The following SLC25A48 variants were observed in gnomAD, a reference collection of about 807,000 sequenced individuals.
The protein encoded by SLC25A48 is solute carrier family 25 member 48, also known as CTC-321K16.1.
In SLC25A48, 29 loss-of-function variants were observed where a neutral mutation model predicts 32.2. The observed-to-expected ratio is 0.90, with a 90% CI of 0.67 to 1.23. SLC25A48 has a LOEUF of 1.23. SLC25A48 is among the 50% of genes most tolerant of loss of function. The pLI is 0.00. For synonymous variants in SLC25A48, 164 were observed against 172.3 expected (o/e 0.95, Z 0.38); for missense variants, 399 against 422.7 (o/e 0.94, Z 0.49).
chr5:135,813,486 A>G (rs902382046), intron 4 of SLC25A48, among the ~76,000 whole-genome samples: 1 of 152,048 alleles, frequency 6.6e-6, no homozygotes, highest in Non-Finnish European at 1.5e-5. Context: ...TAGGTGAGAG[A>G]TGTCAGGGCC....
At chr5:135,812,625 C>T (rs1757616523) in exon 4 of SLC25A48, 1 of 152,328 alleles carries the variant, frequency 6.6e-6, no homozygotes, top group African/African-American at 2.4e-5. Context: ...GCTTTTTGCC[C>T]TAAGTGTGGC....
intron 3 of SLC25A48, among the ~76,000 whole-genome samples, chr5:135,747,216 A>G (rs1222335203): frequency 2.6e-5 from 4 of 151,876 alleles, no homozygotes; most frequent in Non-Finnish European, 5.9e-5. Context: ...TGATTTTAGC[A>G]GCATTGATGT....
chr5:135,776,384 G>A (rs1056853384), intron 3 of SLC25A48, among the ~76,000 whole-genome samples: 3 of 151,514 alleles, frequency 2.0e-5, no homozygotes, highest in Non-Finnish European at 4.4e-5. Flanking sequence ...TCCCAATATC[G>A]TGGGGAATGT....
chr5:135,840,545 C>T (rs1040079948), intron 1 of SLC25A48, among the ~76,000 whole-genome samples: 6 of 152,212 alleles, frequency 3.9e-5, no homozygotes, highest in Admixed American at 3.9e-4. Context: ...AAAGAAGATG[C>T]TGTACGCTTC....
At chr5:135,744,441 C>A (rs1457242449) in intron 3 of SLC25A48, among the ~76,000 whole-genome samples, 2 of 152,012 alleles carry the variant, frequency 1.3e-5, no homozygotes, top group Non-Finnish European at 2.9e-5. Flanking sequence ...ACCTCCACCT[C>A]CCCAGTTCAA....
intron 3 of SLC25A48, among the ~76,000 whole-genome samples, chr5:135,775,123 G>C (rs11959707): frequency 0.76 from 115,064 of 151,602 alleles, 44,253 homozygotes; most frequent in Middle Eastern, 0.87. Context: ...GGGTGTACAC[G>C]CCATTTGTGA....
intron 3 of SLC25A48, among the ~76,000 whole-genome samples, chr5:135,796,826 G>T (rs1459785541): frequency 2.6e-5 from 4 of 151,582 alleles, no homozygotes; most frequent in African/African-American, 9.7e-5. Context: ...TTGCACGGGT[G>T]TGTGCCACCA....
chr5:135,878,287 C>T (rs915570857), intron 6 of SLC25A48, among the ~76,000 whole-genome samples: 3 of 152,158 alleles, frequency 2.0e-5, no homozygotes, highest in African/African-American at 7.2e-5. Context: ...TGGCTGCCTC[C>T]GCCTTGCAGA....
At chr5:135,749,229 C>G (rs2127006877) in intron 3 of SLC25A48, among the ~76,000 whole-genome samples, 1 of 152,074 alleles carries the variant, frequency 6.6e-6, no homozygotes, top group East Asian at 1.9e-4. Flanking sequence ...GTACCTTTCC[C>G]TTGCTTCTCA....
At chr5:135,707,616 T>G (rs1032358123) in intron 3 of SLC25A48, among the ~76,000 whole-genome samples, 3 of 152,158 alleles carry the variant, frequency 2.0e-5, no homozygotes, top group Non-Finnish European at 2.9e-5. Context: ...CCCAGCTACT[T>G]TGTCACAGAC....
intron 3 of SLC25A48, among the ~76,000 whole-genome samples, chr5:135,772,632 G>A (rs141040612): frequency 0.012 from 1,844 of 150,288 alleles, 37 homozygotes; most frequent in African/African-American, 0.042. Context: ...TAACTGGAGG[G>A]GGGGAGAAAA....
At chr5:135,709,457 C>G (rs941339526) in intron 3 of SLC25A48, among the ~76,000 whole-genome samples, 10 of 152,204 alleles carry the variant, frequency 6.6e-5, no homozygotes, top group African/African-American at 2.4e-4. Flanking sequence ...AGCCAGAGAG[C>G]CTGATACAAA....
At chr5:135,681,502 A>G (rs1344373605) in intron 3 of SLC25A48, among the ~76,000 whole-genome samples, 3 of 152,066 alleles carry the variant, frequency 2.0e-5, no homozygotes, top group Admixed American at 6.6e-5. Context: ...AACCTTTTAA[A>G]TGTTCTTGTT....
intron 3 of SLC25A48, among the ~76,000 whole-genome samples, chr5:135,677,033 T>C (rs1254812456): frequency 2.0e-5 from 3 of 152,034 alleles, no homozygotes; most frequent in African/African-American, 7.2e-5. Context: ...AGCTCATCTG[T>C]CTAATGCTAA....
upstream of SLC25A48, among the ~76,000 whole-genome samples, chr5:135,833,864 C>G (rs11242302): frequency 0.19 from 28,835 of 152,126 alleles, 2,908 homozygotes; most frequent in Middle Eastern, 0.25. Flanking sequence ...TCATATTAAC[C>G]TGGATGACGT....
At chr5:135,789,375 A>G (rs529706506) in intron 3 of SLC25A48, among the ~76,000 whole-genome samples, 2 of 151,264 alleles carry the variant, frequency 1.3e-5, no homozygotes, top group African/African-American at 2.4e-5. Context: ...GATTTGTAAT[A>G]TCCAGTGAAG....
At chr5:135,677,856 C>T (rs77787485) in intron 3 of SLC25A48, among the ~76,000 whole-genome samples, 5 of 152,168 alleles carry the variant, frequency 3.3e-5, no homozygotes, top group African/African-American at 1.2e-4. Context: ...TCTTTCCTCA[C>T]CTGTAAGGTT....
chr5:135,617,544 T>C (rs1752218222), intron 1 of SLC25A48, among the ~76,000 whole-genome samples: 1 of 152,036 alleles, frequency 6.6e-6, no homozygotes, highest in African/African-American at 2.4e-5. Flanking sequence ...GGTTTACCAT[T>C]AGATTATTTG....
chr5:135,805,449 C>G (rs1007964942), intron 3 of SLC25A48, among the ~76,000 whole-genome samples: 1 of 151,382 alleles, frequency 6.6e-6, no homozygotes, highest in Admixed American at 6.6e-5. Context: ...TGGGTATACA[C>G]GCTGTGCATA....
Sources: gnomAD v4.1 joint callset for allele counts (sites outside exome capture counted in the v4.1 genomes callset) on GRCh38, gnomAD v4.1.1 for gene constraint, MANE v1.5 for transcripts, NCBI Gene and HGNC (gene_info 2026-07-23, HGNC 2026-07-21) for gene names.